The following THSD4 variants were observed in gnomAD, a reference collection of about 807,000 sequenced individuals.
The protein encoded by THSD4 is thrombospondin type-1 domain-containing protein 4.
A neutral mutation model predicts 119.0 loss-of-function variants in THSD4; 69 were observed. The ratio of observed to expected loss-of-function variants is 0.58; its 90% CI spans 0.48 to 0.71. The LOEUF is 0.71. Ranked by LOEUF, THSD4 falls within the 30% of genes least tolerant of loss-of-function variation. THSD4 has a pLI of 0.00. For synonymous variants in THSD4, 524 were observed against 540.4 expected (o/e 0.97, Z 0.42); for missense variants, 1,393 against 1,391.1 (o/e 1.00, Z -0.02).
intron 7 of THSD4, among the ~76,000 whole-genome samples, chr15:71,454,113 C>G (rs2047304319): frequency 6.6e-6 from 1 of 151,976 alleles, no homozygotes; most frequent in African/African-American, 2.4e-5. Flanking sequence ...AAAAATTAGC[C>G]AGGTGTGGTG....
At chr15:71,130,069 C>T (rs761474233) in intron 1 of THSD4, among the ~76,000 whole-genome samples, 7 of 152,216 alleles carry the variant, frequency 4.6e-5, no homozygotes, top group Admixed American at 6.5e-5. Context: ...CACCCTACAT[C>T]TTGCCTGGCA....
chr15:71,340,221 G>A (rs1316444661), intron 6 of THSD4, among the ~76,000 whole-genome samples: 2 of 152,242 alleles, frequency 1.3e-5, no homozygotes, highest in Non-Finnish European at 2.9e-5. Flanking sequence ...GGGTACACCT[G>A]CTCCTTGGCA....
At chr15:71,106,824 A>G (rs1026120999) in intron 1 of THSD4, among the ~76,000 whole-genome samples, 1 of 152,024 alleles carries the variant, frequency 6.6e-6, no homozygotes, top group Non-Finnish European at 1.5e-5. Flanking sequence ...GTGGGAAGGA[A>G]CACGATGATT....
chr15:71,568,574 TTTTTTTTG>T (rs200753922), intron 7 of THSD4, among the ~76,000 whole-genome samples: 2,178 of 145,182 alleles, frequency 0.015, 53 homozygotes, highest in African/African-American at 0.051. Context: ...TTCTCTTTTT[TTTTTTTTG>T]TTTTTTGTTT....
intron 3 of THSD4, among the ~76,000 whole-genome samples, chr15:71,160,685 T>A (rs1376202261): frequency 6.6e-6 from 1 of 151,972 alleles, no homozygotes; most frequent in Non-Finnish European, 1.5e-5. Flanking sequence ...ATTTGAGTCT[T>A]TTCTCTTTTT....
At chr15:71,394,072 C>T (rs914823773) in intron 6 of THSD4, among the ~76,000 whole-genome samples, 1 of 102,254 alleles carries the variant, frequency 9.8e-6, no homozygotes, top group Non-Finnish European at 2.1e-5. Context: ...ATATCAGATA[C>T]ACAATATTTT....
intron 1 of THSD4, among the ~76,000 whole-genome samples, chr15:71,100,010 G>C (rs1393840637): frequency 6.6e-6 from 1 of 152,194 alleles, no homozygotes; most frequent in East Asian, 1.9e-4. Flanking sequence ...ATAATAAAGT[G>C]AGTTTCTCTT....
intron 6 of THSD4, among the ~76,000 whole-genome samples, chr15:71,289,354 T>C (rs1319424260): frequency 6.6e-6 from 1 of 152,192 alleles, no homozygotes; most frequent in Non-Finnish European, 1.5e-5. Flanking sequence ...GCCTTTATGA[T>C]GGTTCCTCAT....
intron 7 of THSD4, among the ~76,000 whole-genome samples, chr15:71,454,360 A>G (rs1432602543): frequency 6.6e-6 from 1 of 152,244 alleles, no homozygotes; most frequent in Non-Finnish European, 1.5e-5. Flanking sequence ...CTTAAGTTAA[A>G]CAAGGCATTT....
chr15:71,313,506 A>G (rs1484533801), intron 6 of THSD4, among the ~76,000 whole-genome samples: 1 of 152,080 alleles, frequency 6.6e-6, no homozygotes, highest in African/African-American at 2.4e-5. Context: ...GTCGGGGGAG[A>G]GCATTAGGAC....
At chr15:71,481,117 C>A (rs2047723645) in intron 7 of THSD4, among the ~76,000 whole-genome samples, 1 of 151,842 alleles carries the variant, frequency 6.6e-6, no homozygotes. Context: ...CAACAACAAA[C>A]AAATAAAAAC....
intron 6 of THSD4, among the ~76,000 whole-genome samples, chr15:71,366,852 T>C (rs2045971627): frequency 6.6e-6 from 1 of 152,144 alleles, no homozygotes; most frequent in African/African-American, 2.4e-5. Context: ...CCAACAATTG[T>C]AGGGAGACCA....
chr15:71,240,892 G>A (rs7180149), intron 4 of THSD4, among the ~76,000 whole-genome samples: 108,997 of 151,528 alleles, frequency 0.72, 40,645 homozygotes, highest in East Asian at 0.99. Context: ...AACCCCCATC[G>A]TTAACAGAGT....
Position 71,709,712 on chromosome 15 carries a change from A to C in THSD4, c.1358-18837A>C, listed in dbSNP as rs1306562880. Among the ~76,000 whole-genome samples, 3 of 152,230 alleles carry C rather than the reference A, an allele frequency of 2.0e-5. No homozygotes were observed. The East Asian group carries it at 5.8e-4, about 29-fold the overall frequency. On this transcript the variant is annotated intron_variant, in intron 8 of 17. Coordinates refer to ENST00000261862, the MANE Select transcript of THSD4 (RefSeq NM_024817.3). ...AAGAGTAAGAGCACTGGGTGGACAC[A>C]TGCAGGGTGTAGATATTAGCTTATC... is the stretch of plus-strand genomic sequence containing the variant.
chr15:71,343,293 A>C (rs1026789708), intron 6 of THSD4, among the ~76,000 whole-genome samples: 1 of 152,214 alleles, frequency 6.6e-6, no homozygotes, highest in Non-Finnish European at 1.5e-5. Flanking sequence ...TGAATTAGAT[A>C]GATTAGATAG....
intron 7 of THSD4, among the ~76,000 whole-genome samples, chr15:71,563,178 C>T (rs1465254323): frequency 2.0e-5 from 3 of 152,100 alleles, no homozygotes; most frequent in African/African-American, 7.2e-5. Flanking sequence ...GTGAGTACAG[C>T]GCATGTTTAG....
intron 7 of THSD4, among the ~76,000 whole-genome samples, chr15:71,482,416 G>A (rs945816554): frequency 6.7e-6 from 1 of 149,178 alleles, no homozygotes; most frequent in Non-Finnish European, 1.5e-5. Flanking sequence ...TCAGCCTCCC[G>A]AGTAGCTGGG....
intron 3 of THSD4, among the ~76,000 whole-genome samples, chr15:71,182,608 G>T (rs1215063961): frequency 6.6e-6 from 1 of 151,618 alleles, no homozygotes; most frequent in Non-Finnish European, 1.5e-5. Context: ...ATGTTTCCAG[G>T]CCACATTACA....
chr15:71,441,156 G>T (rs930882025), intron 7 of THSD4, among the ~76,000 whole-genome samples: 3 of 152,176 alleles, frequency 2.0e-5, no homozygotes, highest in Non-Finnish European at 4.4e-5. Context: ...GTTCAGTGCA[G>T]GGTGCATTGT....
Sources: gnomAD v4.1 joint callset for allele counts (sites outside exome capture counted in the v4.1 genomes callset) on GRCh38, gnomAD v4.1.1 for gene constraint, MANE v1.5 for transcripts, NCBI Gene and HGNC (gene_info 2026-07-23, HGNC 2026-07-21) for gene names.